The following FHIT variants were observed in gnomAD, a reference collection of about 807,000 sequenced individuals.
The protein encoded by FHIT is bis(5'-adenosyl)-triphosphatase.
A neutral mutation model predicts 17.9 loss-of-function variants in FHIT; 19 were observed. The observed-to-expected ratio is 1.06, with a 90% confidence interval of 0.74 to 1.56. FHIT has a LOEUF of 1.56. FHIT is among the 40% of genes most tolerant of loss of function. The pLI is 0.00. For synonymous variants in FHIT, 81 were observed against 69.7 expected (o/e 1.16, Z -0.81); for missense variants, 248 against 189.2 (o/e 1.31, Z -1.82).
intron 5 of FHIT, among the ~76,000 whole-genome samples, chr3:60,336,795 T>A (rs538713078): frequency 3.3e-4 from 49 of 149,078 alleles, no homozygotes; most frequent in African/African-American, 1.2e-3. Flanking sequence ...TCAGAAAACT[T>A]AAAGAGAGAA....
At chr3:60,921,216 G>A (rs1345396412) in intron 3 of FHIT, among the ~76,000 whole-genome samples, 1 of 152,142 alleles carries the variant, frequency 6.6e-6, no homozygotes, top group Non-Finnish European at 1.5e-5. Flanking sequence ...CGGTATGGCT[G>A]AACCATAAAA....
intron 4 of FHIT, among the ~76,000 whole-genome samples, chr3:60,563,594 C>T (rs534867792): frequency 6.6e-6 from 1 of 152,196 alleles, no homozygotes; most frequent in African/African-American, 2.4e-5. Context: ...AAAAGTGCTA[C>T]TCCAGTGAAC....
chr3:60,424,659 TTTG>T (rs1375094660), intron 5 of FHIT, among the ~76,000 whole-genome samples: 1 of 152,166 alleles, frequency 6.6e-6, no homozygotes, highest in Non-Finnish European at 1.5e-5. Context: ...CTGTCTTCTC[TTTG>T]TTGTTGATCA....
At chr3:60,478,593 T>C (rs1269757084) in intron 5 of FHIT, among the ~76,000 whole-genome samples, 1 of 152,142 alleles carries the variant, frequency 6.6e-6, no homozygotes, top group Non-Finnish European at 1.5e-5. Flanking sequence ...ATGATGATGA[T>C]GACAGCTTCA....
At chr3:61,198,900 ATGATG>A (rs1255509578) in intron 2 of FHIT, among the ~76,000 whole-genome samples, 1 of 1,992 alleles carries the variant, frequency 5.0e-4, no homozygotes. Context: ...GCCGCCGATG[ATGATG>A]ATGATGATGA....
chr3:60,534,155 C>A (rs1213755184), intron 5 of FHIT, among the ~76,000 whole-genome samples: 1 of 151,082 alleles, frequency 6.6e-6, no homozygotes, highest in Non-Finnish European at 1.5e-5. Flanking sequence ...AGGCCGGGCG[C>A]GGTGGCTCAC....
At chr3:60,514,960 A>G (rs2035094959) in intron 5 of FHIT, among the ~76,000 whole-genome samples, 1 of 151,800 alleles carries the variant, frequency 6.6e-6, no homozygotes, top group African/African-American at 2.4e-5. Context: ...ATCTGTCACA[A>G]GAGCATGTGA....
intron 8 of FHIT, among the ~76,000 whole-genome samples, chr3:59,784,083 A>G (rs1702728799): frequency 6.6e-6 from 1 of 152,182 alleles, no homozygotes; most frequent in African/African-American, 2.4e-5. Context: ...CCAAAAAATG[A>G]TATAAAAATG....
chr3:61,116,176 G>A (rs1452141840), intron 2 of FHIT, among the ~76,000 whole-genome samples: 4 of 151,934 alleles, frequency 2.6e-5, no homozygotes, highest in African/African-American at 9.7e-5. Context: ...TGATCCTCGG[G>A]TCTTGGTGGT....
At chr3:59,970,817 C>G (rs1217482484) in intron 7 of FHIT, among the ~76,000 whole-genome samples, 4 of 146,110 alleles carry the variant, frequency 2.7e-5, no homozygotes, top group African/African-American at 5.1e-5. Flanking sequence ...GATGCAAAAA[C>G]CTGCACGTCC....
chr3:60,657,542 A>T (rs568751644), intron 4 of FHIT, among the ~76,000 whole-genome samples: 48 of 152,302 alleles, frequency 3.2e-4, no homozygotes, highest in Non-Finnish European at 4.9e-4. Context: ...TAAGTCACTT[A>T]TCCATTCAAT....
At chr3:61,110,481 T>G (rs997199888) in intron 2 of FHIT, among the ~76,000 whole-genome samples, 1 of 152,188 alleles carries the variant, frequency 6.6e-6, no homozygotes, top group East Asian at 1.9e-4. Flanking sequence ...TAATTCCTCA[T>G]GGCATTTATC....
intron 7 of FHIT, among the ~76,000 whole-genome samples, chr3:59,941,760 C>A (rs1317094469): frequency 6.6e-6 from 1 of 152,116 alleles, no homozygotes; most frequent in African/African-American, 2.4e-5. Flanking sequence ...AAGGTAAAAG[C>A]CACTACGAGG....
intron 5 of FHIT, among the ~76,000 whole-genome samples, chr3:60,103,484 TA>T (rs1704278050): frequency 6.6e-6 from 1 of 152,092 alleles, no homozygotes; most frequent in South Asian, 2.1e-4. Flanking sequence ...AATGACAGGA[TA>T]AAAAGGGATC....
At chr3:59,831,472 G>T (rs907067871) in intron 8 of FHIT, among the ~76,000 whole-genome samples, 1 of 152,102 alleles carries the variant, frequency 6.6e-6, no homozygotes, top group Non-Finnish European at 1.5e-5. Flanking sequence ...AAGTAATAAA[G>T]CTGAAATAGA....
chr3:59,788,881 G>GTTTTTTTTTTTTTGTTTTT (rs60361063), intron 8 of FHIT, among the ~76,000 whole-genome samples: 1 of 86,802 alleles, frequency 1.2e-5, no homozygotes, highest in Non-Finnish European at 2.0e-5. Context: ...GAGTTCATAT[G>GTTTTTTTTTTTTTGTTTTT]TTTTTTTTTT....
intron 5 of FHIT, among the ~76,000 whole-genome samples, chr3:60,027,595 T>A (rs1383560645): frequency 1.3e-5 from 2 of 151,946 alleles, no homozygotes; most frequent in African/African-American, 4.8e-5. Context: ...GACTGCAACC[T>A]CGAATACTAC....
chr3:59,770,281 T>C (rs988150621), intron 8 of FHIT, among the ~76,000 whole-genome samples: 3 of 152,142 alleles, frequency 2.0e-5, no homozygotes, highest in Non-Finnish European at 4.4e-5. Context: ...CCTCCTGAAA[T>C]ATATGTTGAA....
chr3:60,184,838 A>C (rs2107451461), intron 5 of FHIT, among the ~76,000 whole-genome samples: 1 of 152,164 alleles, frequency 6.6e-6, no homozygotes, highest in Non-Finnish European at 1.5e-5. Context: ...CTATTTATTC[A>C]AATCTTTTTT....
Sources: allele counts gnomAD v4.1 joint callset (sites outside exome capture counted in the v4.1 genomes callset), GRCh38; gene constraint gnomAD v4.1.1; transcripts MANE v1.5; gene names NCBI Gene and HGNC (gene_info 2026-07-23, HGNC 2026-07-21).